The following SCD5 variants were observed in gnomAD, a reference collection of about 807,000 sequenced individuals.
The protein encoded by SCD5 is stearoyl-CoA desaturase 5.
Under a neutral mutation model 30.4 loss-of-function variants are expected in SCD5, and 20 were observed. The ratio of observed to expected loss-of-function variants is 0.66; its 90% CI spans 0.46 to 0.96. The LOEUF is 0.96. SCD5 is among the 40% of genes least tolerant of loss of function. The pLI, the probability that SCD5 is intolerant of heterozygous loss-of-function variation, is 0.00. For missense variants in SCD5, 381 were observed against 443.3 expected (o/e 0.86, Z 1.26); for synonymous variants, 173 against 176.4 (o/e 0.98, Z 0.16).
chr4:82,706,557 C>T (rs1719973640), intron 1 of SCD5, among the ~76,000 whole-genome samples: 1 of 152,274 alleles, frequency 6.6e-6, no homozygotes, highest in African/African-American at 2.4e-5. Context: ...TGACCTGGCC[C>T]TGGCCTAGTA....
At chr4:82,642,310 A>C (rs192393125) in intron 3 of SCD5, among the ~76,000 whole-genome samples, 2 of 152,186 alleles carry the variant, frequency 1.3e-5, no homozygotes, top group Admixed American at 6.5e-5. Flanking sequence ...CACTCAGCCA[A>C]CCAAGAACAT....
At chr4:82,695,187 G>A (rs1443094455) in intron 2 of SCD5, among the ~76,000 whole-genome samples, 4 of 151,952 alleles carry the variant, frequency 2.6e-5, no homozygotes, top group African/African-American at 4.8e-5. Flanking sequence ...CCCTGATCAC[G>A]CAGGGCCCCA....
intron 3 of SCD5, among the ~76,000 whole-genome samples, chr4:82,680,186 G>T (rs901292195): frequency 1.3e-5 from 2 of 152,190 alleles, no homozygotes; most frequent in African/African-American, 4.8e-5. Flanking sequence ...AGTGCTTTGA[G>T]GCCTTCTGTT....
chr4:82,798,264 GGCC>G, intron 1 of SCD5, 39 bp downstream of exon 1: 4 of 1,501,574 alleles, frequency 2.7e-6, no homozygotes, highest in Middle Eastern at 3.7e-4. Flanking sequence ...AGCGCGGCCT[GGCC>G]ACGGAGGCCG....
rs140012944 is a variant in SCD5 at position 82,798,452 on chromosome 4, C to A, written c.86G>T (p.Gly29Val). 6.2e-6 allele frequency: 10 copies of A among 1,613,000 alleles called. No homozygotes were observed. The highest frequency in any genetic ancestry group is 7.6e-6 in the Non-Finnish European group (9 of 1,179,592). Residue 29 changes from glycine (G) to valine (V), a missense_variant, in exon 1 of 5, where the codon GGC (glycine) becomes GTC (valine). Coordinates refer to ENST00000319540, the MANE Select transcript of SCD5 (RefSeq NM_001037582.3). The stretch of plus-strand genomic sequence containing the variant: ...GCCTGGCCTCTCCGGGCCGCCGCCG[C>A]CCTCAGAGCTTTCGAGCCCGGCACG... ...EIRAGLESSEGGGGPERPGAR... is the reference protein window; with the variant it reads ...EIRAGLESSEVGGGPERPGAR...
intron 2 of SCD5, among the ~76,000 whole-genome samples, chr4:82,688,720 G>C (rs958551813): frequency 3.9e-5 from 6 of 152,096 alleles, no homozygotes; most frequent in African/African-American, 1.4e-4. Flanking sequence ...TAGAGGCTGG[G>C]TAAGTGTTGA....
At chr4:82,765,538 T>TACCTAACACAATGTAAA (rs1428761394) in intron 1 of SCD5, among the ~76,000 whole-genome samples, 12 of 152,192 alleles carry the variant, frequency 7.9e-5, no homozygotes, top group Admixed American at 7.9e-4. Context: ...TTACTTATAA[T>TACCTAACACAATGTAAA]ACCTAACACA....
chr4:82,743,222 T>A (rs7683924), intron 1 of SCD5, among the ~76,000 whole-genome samples: 6,676 of 152,186 alleles, frequency 0.044, 189 homozygotes, highest in South Asian at 0.11. Flanking sequence ...TCCTAAAAAT[T>A]AGTTGAGCCA....
At chr4:82,692,683 T>C (rs1876216) in intron 2 of SCD5, among the ~76,000 whole-genome samples, 121,834 of 152,166 alleles carry the variant, frequency 0.8, 49,001 homozygotes, top group Middle Eastern at 0.87. Flanking sequence ...GGGCTGGGTC[T>C]CCGGTGATTT....
At chr4:82,652,698 C>T (rs1727782502) in intron 3 of SCD5, among the ~76,000 whole-genome samples, 1 of 152,144 alleles carries the variant, frequency 6.6e-6, no homozygotes, top group Non-Finnish European at 1.5e-5. Context: ...GAAGCTGTTA[C>T]TATTATTCTA....
intron 1 of SCD5, among the ~76,000 whole-genome samples, chr4:82,755,986 A>G (rs1721226497): frequency 6.6e-6 from 1 of 152,230 alleles, no homozygotes; most frequent in Admixed American, 6.5e-5. Flanking sequence ...TGTTTAAATC[A>G]AATTGTCATC....
At chr4:82,728,958 G>A (rs1447549346) in intron 1 of SCD5, among the ~76,000 whole-genome samples, 1 of 152,116 alleles carries the variant, frequency 6.6e-6, no homozygotes, top group Non-Finnish European at 1.5e-5. Flanking sequence ...GAGTCTGGAG[G>A]GCTGCAAAGA....
chr4:82,734,156 C>T, intron 1 of SCD5, among the ~76,000 whole-genome samples: 1 of 152,138 alleles, frequency 6.6e-6, no homozygotes, highest in East Asian at 1.9e-4. Flanking sequence ...AAGGATCAGA[C>T]CAGAAGAAGG....
At chr4:82,646,764 A>G (rs1727641564) in intron 3 of SCD5, among the ~76,000 whole-genome samples, 1 of 152,212 alleles carries the variant, frequency 6.6e-6, no homozygotes, top group Admixed American at 6.5e-5. Flanking sequence ...CTGCTTCACA[A>G]AAGCATCTTC....
chr4:82,754,628 C>T (rs1721193476), intron 1 of SCD5, among the ~76,000 whole-genome samples: 1 of 152,002 alleles, frequency 6.6e-6, no homozygotes, highest in Non-Finnish European at 1.5e-5. Context: ...TTTGGAATGG[C>T]ATTTGCCAAG....
intron 2 of SCD5, 22 bp from the exon 3 acceptor site, chr4:82,680,934 G>A (rs1478136562): frequency 1.0e-5 from 16 of 1,602,798 alleles, no homozygotes; most frequent in Non-Finnish European, 1.3e-5. Context: ...ATGAGAGCCT[G>A]AGTGAAGAGA....
intron 3 of SCD5, among the ~76,000 whole-genome samples, chr4:82,678,440 C>G (rs919649925): frequency 1.3e-5 from 2 of 152,126 alleles, no homozygotes; most frequent in Admixed American, 6.5e-5. Context: ...GACTATTATA[C>G]CCGGCTCATT....
At chr4:82,694,891 G>A (rs1011714319) in intron 2 of SCD5, among the ~76,000 whole-genome samples, 5 of 152,146 alleles carry the variant, frequency 3.3e-5, no homozygotes, top group Admixed American at 1.3e-4. Context: ...AACTGTAATC[G>A]TAAGTATAGG....
At chr4:82,641,962 G>C (rs1237892139) in intron 3 of SCD5, among the ~76,000 whole-genome samples, 1 of 152,142 alleles carries the variant, frequency 6.6e-6, no homozygotes, top group African/African-American at 2.4e-5. Flanking sequence ...GACACGGTAA[G>C]AGGGAGATGC....
Sources: gnomAD v4.1 joint callset for allele counts (sites outside exome capture counted in the v4.1 genomes callset) on GRCh38, gnomAD v4.1.1 for gene constraint, MANE v1.5 for transcripts, NCBI Gene and HGNC (gene_info 2026-07-23, HGNC 2026-07-21) for gene names.